The following SPAG5 variants were observed in gnomAD, a reference collection of about 807,000 sequenced individuals.
The protein encoded by SPAG5 is sperm associated antigen 5, also known as sperm-associated antigen 5.
SPAG5 carries 99 observed loss-of-function variants against 145.4 expected under a neutral mutation model. The ratio of observed to expected loss-of-function variants is 0.68; its 90% CI spans 0.58 to 0.80. The LOEUF is 0.80. Among genes scored for constraint, SPAG5 ranks in the 30% least tolerant of loss-of-function variants. The pLI, the probability that SPAG5 is intolerant of heterozygous loss-of-function variation, is 0.00. For missense variants in SPAG5, 1,192 were observed against 1,416.0 expected (o/e 0.84, Z 2.54); for synonymous variants, 477 against 525.4 (o/e 0.91, Z 1.26).
chr17:28,591,913 G>A (rs745893167), intron 3 of SPAG5, 41 bp from the exon 4 acceptor site: 1 of 1,610,228 alleles, frequency 6.2e-7, no homozygotes, highest in Non-Finnish European at 8.5e-7. Context: ...AGAAAAGGAG[G>A]GGAAGGGATG....
Position 28,586,340 on chromosome 17 carries a change from A to G in SPAG5, c.1512+85T>C, listed in dbSNP as rs575788339. The stretch of plus-strand genomic sequence containing the variant: ...CCTCCCTTCACCACCACGACTTAGT[A>G]TCACCATCTACTAACCACCCAGGAT... On this transcript the variant is annotated intron_variant, in intron 5 of 23. Coordinates refer to ENST00000321765, the MANE Select transcript of SPAG5 (RefSeq NM_006461.4). The G allele has an allele frequency of 8.0e-4, 1,013 of 1,269,510 alleles. 1 individual carries two copies. Among genetic ancestry groups the G allele is most frequent in the Non-Finnish European group, 1.1e-3 (953 of 870,138 alleles). 78.6% of individuals were successfully genotyped at this position (1,269,510 alleles called of 1,614,324 possible). A position where few individuals can be genotyped will look rare whatever the true frequency, so the allele number is the denominator to read the frequency against.
rs372628278 is a variant in SPAG5, at chr17:28,586,091, T to G, written c.1604A>C (p.Glu535Ala). Residue 535 changes from glutamate (E) to alanine (A), a missense_variant and splice_region_variant, in exon 6 of 24, where the codon GAG (glutamate) becomes GCG (alanine). Physicochemically the swap from Glu to Ala is moderately radical, Grantham distance 107 (BLOSUM62 -1). This residue lies in a region of SPAG5 where 709 missense variants were observed against 840.7 expected (regional missense o/e 0.84). Transcript: ENST00000321765. ...CACCTCCATCTTCAGGCTGCTTACC[T>G]CCTGACTCACAGTAGTCTTATCTTC... Reference protein sequence around the residue: ...LEEDKTTVSQESRRAETLVCC... With the variant: ...LEEDKTTVSQASRRAETLVCC... 108 of 1,613,562 alleles carry G rather than the reference T, an allele frequency of 6.7e-5. No individual in the cohort carries two copies. The highest frequency in any genetic ancestry group is 8.2e-5 in the Non-Finnish European group (97 of 1,179,558).
rs1432110738 is a variant in SPAG5 at position 28,585,572 on chromosome 17, C to T, written c.1822G>A (p.Glu608Lys). ...GCATCCTTCAGAAGGCCTCTGAATT[C>T]CCGCATGGATGCTAGGTCCTGTTCC... ...QLEQDLASMR[E>K]FRGLLKDAQT... Residue 608 changes from glutamate to lysine, a missense_variant, in exon 8 of 24, where the codon GAA becomes AAA. This residue lies in a region of SPAG5 where 709 missense variants were observed against 840.7 expected (regional missense o/e 0.84). Transcript: ENST00000321765. The T allele has an allele frequency of 6.2e-7, 1 of 1,614,100 alleles. No homozygotes were observed. Among genetic ancestry groups the T allele is most frequent in the Non-Finnish European group, 8.5e-7 (1 of 1,180,036 alleles).
At chr17:28,580,243 A>G (rs762466815) in intron 15 of SPAG5, 123 bp from the exon 16 acceptor site, 10 of 569,500 alleles carry the variant, frequency 1.8e-5, no homozygotes, top group Admixed American at 3.1e-5. Context: ...TCTATCTTCA[A>G]CTTCTCCATT....
At chr17:28,577,834 C>G in intron 23 of SPAG5, 64 bp from the exon 24 acceptor site, 1 of 1,400,242 alleles carries the variant, frequency 7.1e-7, no homozygotes, top group Non-Finnish European at 1.0e-6. Context: ...CTCCCAGCCC[C>G]AGGAGGCAGC....
intron 2 of SPAG5, among the ~76,000 whole-genome samples, chr17:28,595,787 C>T (rs1385096974): frequency 2.0e-5 from 3 of 148,672 alleles, no homozygotes; most frequent in African/African-American, 5.0e-5. Flanking sequence ...GGCTCACGCC[C>T]GTAATCCCAG....
chr17:28,578,239 G>C lies in SPAG5; in HGVS notation c.3408C>G (p.Leu1136=), dbSNP rs759699707. The change falls in exon 22 of 24, where the codon CTC becomes CTG. Residue 1136 remains leucine, a synonymous_variant. Transcript: ENST00000321765. ...FLEMKNEKEK[L]MIKFQSHRNI... Reference sequence around the variant, plus strand: ...TTACATGGCTCTGGAACTTGATCATGAGTTTTTCCTTCTCATTTTTCATCT... The same window carrying C: ...TTACATGGCTCTGGAACTTGATCATCAGTTTTTCCTTCTCATTTTTCATCT... The C allele has an allele frequency of 2.5e-6, 4 of 1,614,080 alleles. No individual in the cohort carries two copies. The highest frequency in any genetic ancestry group is 2.5e-6 in the Non-Finnish European group (3 of 1,180,038).
In SPAG5 at chr17:28,585,922, T is replaced by C; in HGVS notation, c.1682A>G (p.Lys561Arg). 1.2e-6 allele frequency: 2 copies of C among 1,614,256 alleles called. No homozygotes were observed. The highest frequency in any genetic ancestry group is 1.7e-5 in the Admixed American group (1 of 60,030). The change falls in exon 7 of 24, where the codon AAA becomes AGA. Residue 561 changes from lysine to arginine, a missense_variant. By Grantham distance (26) the Lys-to-Arg change is conservative. Transcript: ENST00000321765. ...GTGCCTTGCCTCCTCCCTTTCTGCTTTGAGGCTCTGGAGCTTTGCCCTCAA... is the reference window on the plus strand; with the variant it reads ...GTGCCTTGCCTCCTCCCTTTCTGCTCTGAGGCTCTGGAGCTTTGCCCTCAA... ...KKLRAKLQSL[K>R]AEREEARHRE...
At chr17:28,584,882 T>G in intron 10 of SPAG5, 137 bp from the exon 11 acceptor site, 1 of 803,926 alleles carries the variant, frequency 1.2e-6, no homozygotes, top group Non-Finnish European at 2.1e-6. Context: ...ATAAGGTTGA[T>G]CCTCAGGAAA....
Position 28,578,387 on chromosome 17 carries a change from A to G in SPAG5, c.3340T>C (p.Trp1114Arg), listed in dbSNP as rs575806009. The G allele has an allele frequency of 1.2e-6, 2 of 1,614,182 alleles. No individual in the cohort carries two copies. The change falls in exon 21 of 24, where the codon TGG becomes CGG. Residue 1114 changes from tryptophan to arginine, a missense_variant. By Grantham distance (101) the Trp-to-Arg change is moderately radical. This residue lies in a region of SPAG5 where 709 missense variants were observed against 840.7 expected (regional missense o/e 0.84). Coordinates refer to ENST00000321765, the MANE Select transcript of SPAG5 (RefSeq NM_006461.4). ...CTCTGAGTCACCTCCTGAGAGAGCC[A>G]CACTTTCTCCTGGATCCAATTGGTG... ...MATNWIQEKVWLSQEVDKLRV... is the reference protein window; with the variant it reads ...MATNWIQEKVRLSQEVDKLRV...
At position 28,586,458 on chromosome 17, in the gene SPAG5, C is replaced by T; in HGVS notation, c.1479G>A (p.Met493Ile). 6.2e-7 allele frequency: 1 copy of T among 1,613,932 alleles called. No individual in the cohort carries two copies. Among genetic ancestry groups the T allele is most frequent in the South Asian group, 1.1e-5 (1 of 91,084 alleles). ...KLQHLKESHEMGQALQQARNV... is the reference protein window; with the variant it reads ...KLQHLKESHEIGQALQQARNV... ...TTCTGGCCTGCTGTAGGGCCTGTCCCATCTCATGGCTCTCCTTAAGATGCT... is the reference window on the plus strand; with the variant it reads ...TTCTGGCCTGCTGTAGGGCCTGTCCTATCTCATGGCTCTCCTTAAGATGCT... The change falls in exon 5 of 24, where the codon ATG becomes ATA. Residue 493 changes from methionine (M) to isoleucine (I), a missense_variant. Met to Ile is a conservative substitution (Grantham distance 10). Coordinates refer to ENST00000321765, the MANE Select transcript of SPAG5 (RefSeq NM_006461.4).
Position 28,592,133 on chromosome 17 carries a change from C to G in SPAG5, c.1111G>C (p.Asp371His). 1 of 1,614,136 alleles carries G rather than the reference C, an allele frequency of 6.2e-7. No homozygotes were observed. The highest frequency in any genetic ancestry group is 8.5e-7 in the Non-Finnish European group (1 of 1,180,020). Reference protein sequence around the residue: ...QSLSLPSMLRDAAIGTTPFST... With the variant: ...QSLSLPSMLRHAAIGTTPFST... ...AAAGGGGTAGTGCCAATTGCAGCATCCCGAAGCATCGAGGGAAGGGATAAG... is the reference window on the plus strand; with the variant it reads ...AAAGGGGTAGTGCCAATTGCAGCATGCCGAAGCATCGAGGGAAGGGATAAG... The change falls in exon 3 of 24, where the codon GAT (aspartate) becomes CAT (histidine). Residue 371 changes from aspartate to histidine, a missense_variant. By Grantham distance (81) the Asp-to-His change is moderately conservative. Transcript: ENST00000321765.
At position 28,595,283 on chromosome 17, in the gene SPAG5, AAAGAT is replaced by A. The variant is rs111554184; in HGVS notation, c.178-2222_178-2218del. Among the ~76,000 whole-genome samples the A allele has an allele frequency of 4.6e-5, 7 of 151,816 alleles. No individual in the cohort carries two copies. In the South Asian group the frequency reaches 8.3e-4, roughly 18 times the overall value. On this transcript the variant is annotated intron_variant, in intron 2 of 23. Coordinates refer to ENST00000321765, the MANE Select transcript of SPAG5 (RefSeq NM_006461.4). The stretch of plus-strand genomic sequence containing the variant: ...AAAAAAAAAAAAAAAAAGACAATAT[AAAGAT>A]GAGTGTGTGTGTGTGTGTGTGCATA...
intron 2 of SPAG5, 23 bp from the exon 3 acceptor site, chr17:28,593,089 T>C (rs772732079): frequency 6.2e-7 from 1 of 1,608,308 alleles, no homozygotes; most frequent in South Asian, 1.1e-5. Flanking sequence ...ACAAAAGTAG[T>C]TGTCTAAGGC....
intron 15 of SPAG5, among the ~76,000 whole-genome samples, chr17:28,581,374 C>T (rs905043725): frequency 8.6e-5 from 13 of 151,986 alleles, no homozygotes; most frequent in African/African-American, 2.7e-4. Flanking sequence ...TCAACATCTC[C>T]GCTTCATTTC....
intron 15 of SPAG5, chr17:28,582,816 T>C (rs182841534): frequency 1.3e-4 from 20 of 152,334 alleles, no homozygotes; most frequent in African/African-American, 2.2e-4. Context: ...TCTTGAAACA[T>C]AGTCTGGTTG....
chr17:28,596,632 C>T (rs987939392), intron 2 of SPAG5, among the ~76,000 whole-genome samples: 8 of 151,872 alleles, frequency 5.3e-5, no homozygotes, highest in African/African-American at 1.7e-4. Context: ...CGTGCCATTG[C>T]ACTCCAGCCT....
Position 28,584,467 on chromosome 17 carries a change from C to A in SPAG5, c.2175G>T (p.Gln725His). The A allele has an allele frequency of 1.2e-6, 2 of 1,613,914 alleles. No homozygotes were observed. Among genetic ancestry groups the A allele is most frequent in the South Asian group, 1.1e-5 (1 of 91,090 alleles). ...NSRLATDLRA[Q>H]LQILANMDSQ... ...TGTCCATGTTGGCCAGAATCTGCAACTGAGCCCGGAGATCTAGAACAAAAG... is the reference window on the plus strand; with the variant it reads ...TGTCCATGTTGGCCAGAATCTGCAAATGAGCCCGGAGATCTAGAACAAAAG... The change falls in exon 12 of 24, where the codon CAG (glutamine) becomes CAT (histidine). Residue 725 changes from glutamine (Q) to histidine (H), a missense_variant. Physicochemically the swap from Gln to His is conservative, Grantham distance 24. This residue lies in a region of SPAG5 where 709 missense variants were observed against 840.7 expected (regional missense o/e 0.84). Transcript: ENST00000321765.
At chr17:28,593,343 C>A (rs756958416) in intron 2 of SPAG5, among the ~76,000 whole-genome samples, 1 of 152,078 alleles carries the variant, frequency 6.6e-6, no homozygotes, top group African/African-American at 2.4e-5. Flanking sequence ...TGAAAGTGAC[C>A]CCACTCATCT....
Sources: gnomAD v4.1 joint callset for allele counts (sites outside exome capture counted in the v4.1 genomes callset) on GRCh38, gnomAD v4.1.1 for gene constraint, gnomAD v4.1.1 regional missense constraint, MANE v1.5 for transcripts, NCBI Gene and HGNC (gene_info 2026-07-23, HGNC 2026-07-21) for gene names.